Variants in GCSAML observed in about 807,000 individuals in gnomAD.
GCSAML encodes the protein germinal center-associated signaling and motility-like protein.
GCSAML carries 9 observed loss-of-function variants against 13.0 expected under a neutral mutation model. That is an observed-to-expected ratio of 0.69 (90% CI 0.42 to 1.21). The LOEUF (loss-of-function observed/expected upper bound fraction) is 1.21, where lower values mean the gene tolerates loss of function less well. Ranked by LOEUF, GCSAML falls within the 50% of genes most tolerant of loss-of-function variation. GCSAML has a pLI of 0.00. For synonymous variants in GCSAML, 37 were observed against 52.9 expected (o/e 0.70, Z 1.31); for missense variants, 143 against 153.4 (o/e 0.93, Z 0.36).
In GCSAML at chr1:247,556,421, A is replaced by C. The variant is rs1667949685; in HGVS notation, c.44A>C (p.Asn15Thr). The change falls in exon 2 of 5, where the codon AAT (asparagine) becomes ACT (threonine). Residue 15 changes from asparagine (N) to threonine (T), a missense_variant. Transcript: ENST00000366488. ...LLRKLSCLGE[N>T]QKKPKKGNPD... ...TTTCCATATAGTTGCCTGGGAGAGAATCAAAAGAAGCCCAAGAAAGGAAAC... is the reference window on the plus strand; with the variant it reads ...TTTCCATATAGTTGCCTGGGAGAGACTCAAAAGAAGCCCAAGAAAGGAAAC... The C allele has an allele frequency of 2.5e-6, 4 of 1,611,236 alleles. No homozygotes were observed. The South Asian group carries it at 3.3e-5, about 13-fold the overall frequency.
chr1:247,531,673 G>A (rs960619577), intron 2 of GCSAML: 2 of 1,614,218 alleles, frequency 1.2e-6, no homozygotes, highest in Non-Finnish European at 1.7e-6. Flanking sequence ...AGTGACTACG[G>A]TGTAGAACAG....
At chr1:247,553,264 G>T (rs1208616959) in intron 1 of GCSAML, among the ~76,000 whole-genome samples, 1 of 151,920 alleles carries the variant, frequency 6.6e-6, no homozygotes, top group Non-Finnish European at 1.5e-5. Flanking sequence ...ATTGAATTTT[G>T]CAAGATGACT....
chr1:247,509,943 G>A (rs1665971989), intron 1 of GCSAML, among the ~76,000 whole-genome samples: 1 of 152,132 alleles, frequency 6.6e-6, no homozygotes, highest in African/African-American at 2.4e-5. Context: ...TGTTCATCAG[G>A]GATATTGGCC....
chr1:247,538,034 G>T (rs1667281972), intron 2 of GCSAML, among the ~76,000 whole-genome samples: 1 of 151,654 alleles, frequency 6.6e-6, no homozygotes, highest in Admixed American at 6.6e-5. Flanking sequence ...GTTGTTTTTG[G>T]TTTTCATGTC....
intron 1 of GCSAML, among the ~76,000 whole-genome samples, chr1:247,521,113 A>T (rs867320584): frequency 0.01 from 1,411 of 136,876 alleles, 17 homozygotes; most frequent in African/African-American, 0.036. Flanking sequence ...ACATTCTTGC[A>T]TTTTTTTTTT....
chr1:247,538,242 T>C (rs1211431503), intron 2 of GCSAML, among the ~76,000 whole-genome samples: 1 of 152,218 alleles, frequency 6.6e-6, no homozygotes. Context: ...ATATATGTGT[T>C]GAAAGGATTA....
chr1:247,569,639 T>C (rs1173505156), intron 4 of GCSAML, among the ~76,000 whole-genome samples: 2 of 152,244 alleles, frequency 1.3e-5, no homozygotes, highest in Admixed American at 1.3e-4. Flanking sequence ...CGCATTGATG[T>C]TCATCAGGGA....
At chr1:247,522,196 C>CCGGG (rs1666462234) in intron 1 of GCSAML, among the ~76,000 whole-genome samples, 2 of 149,974 alleles carry the variant, frequency 1.3e-5, no homozygotes, top group African/African-American at 2.5e-5. Context: ...GCCGCCCTGT[C>CCGGG]TGGGAGGTGG....
chr1:247,565,748 C>T, intron 3 of GCSAML, 183 bp from the exon 4 acceptor site: 2 of 553,702 alleles, frequency 3.6e-6, no homozygotes, highest in Admixed American at 4.0e-5. Flanking sequence ...GATTTTTTCA[C>T]TCAGTCTTGA....
intron 2 of GCSAML, among the ~76,000 whole-genome samples, chr1:247,534,554 G>A (rs564377112): frequency 6.6e-6 from 1 of 152,312 alleles, no homozygotes; most frequent in East Asian, 1.9e-4. Flanking sequence ...TCAGAAACTG[G>A]ACAATTTCAG....
At chr1:247,537,958 C>T (rs116217360) in intron 2 of GCSAML, among the ~76,000 whole-genome samples, 2 of 152,226 alleles carry the variant, frequency 1.3e-5, no homozygotes, top group African/African-American at 4.8e-5. Flanking sequence ...ACTCTTTTGA[C>T]AATGTCTTTT....
chr1:247,560,143 A>T (rs1668074474), intron 2 of GCSAML, among the ~76,000 whole-genome samples: 1 of 152,182 alleles, frequency 6.6e-6, no homozygotes, highest in Non-Finnish European at 1.5e-5. Flanking sequence ...GTAGGTGCTG[A>T]TAATCCACAG....
rs542118148 is a variant in GCSAML, at chr1:247,567,227, G to A, written c.168+1268G>A. Among the ~76,000 whole-genome samples, 12 of 151,984 alleles carry A rather than the reference G, an allele frequency of 7.9e-5. 1 individual carries two copies. In the East Asian group the frequency reaches 2.3e-3, roughly 29 times the overall value. Reference sequence around the variant, plus strand: ...CTGAATGGGCAGGTCTGTTACATAGGAATACATGTGCCACGGTGCTTTGCT... The same window carrying A: ...CTGAATGGGCAGGTCTGTTACATAGAAATACATGTGCCACGGTGCTTTGCT... On this transcript the variant is annotated intron_variant, in intron 4 of 4. Transcript: ENST00000366488.
chr1:247,572,706 C>G (rs1472594751), intron 4 of GCSAML, among the ~76,000 whole-genome samples: 1 of 152,230 alleles, frequency 6.6e-6, no homozygotes, highest in East Asian at 1.9e-4. Flanking sequence ...AGGAGGCCAT[C>G]TTTCCCTTAG....
chr1:247,565,422 CA>C (rs1206991392), intron 3 of GCSAML, among the ~76,000 whole-genome samples: 1 of 151,862 alleles, frequency 6.6e-6, no homozygotes, highest in Non-Finnish European at 1.5e-5. Context: ...TCAGCATTCA[CA>C]GATGGAATCA....
At chr1:247,551,159 G>A (rs547988938) in intron 1 of GCSAML, among the ~76,000 whole-genome samples, 5 of 152,260 alleles carry the variant, frequency 3.3e-5, no homozygotes, top group South Asian at 2.1e-4. Context: ...CACAAACAGC[G>A]CACTGTAGAA....
At chr1:247,532,326 G>A (rs1227115571) in intron 2 of GCSAML, 1 of 1,614,174 alleles carries the variant, frequency 6.2e-7, no homozygotes, top group Admixed American at 1.7e-5. Flanking sequence ...TGGCAAGAAA[G>A]AAGTACATAG....
chr1:247,512,920 G>A lies in GCSAML; in HGVS notation c.-263+5687G>A, dbSNP rs1489688958. ...GAGAAGCACCCACCAGATGCAGCTG[G>A]GGCTCTCCTGTATGAGGTGTCTGTC... On this transcript the variant is annotated intron_variant, in intron 1 of 5. Transcript: ENST00000366489. Among the ~76,000 whole-genome samples, 5 of 152,212 alleles carry A rather than the reference G, an allele frequency of 3.3e-5. No homozygotes were observed. In the South Asian group the frequency reaches 1.0e-3, roughly 32 times the overall value.
Position 247,576,774 on chromosome 1 carries a change from T to G in GCSAML, c.*2392T>G, listed in dbSNP as rs1668853961. On this transcript the variant is annotated 3_prime_UTR_variant, in exon 5 of 5. Transcript: ENST00000366488. ...TAGAAATTTTGCAATTCTAGAAAAGTCATTCTGTCAAAATATGTCAGTCCT... is the reference window on the plus strand; with the variant it reads ...TAGAAATTTTGCAATTCTAGAAAAGGCATTCTGTCAAAATATGTCAGTCCT... 6.6e-6 allele frequency: 1 copy of G among 152,176 alleles called. No individual in the cohort carries two copies. The allele number at this position is 152,176 out of a possible 1,614,324, so 9.4% of individuals were successfully genotyped here. A position where few individuals can be genotyped will look rare whatever the true frequency, so the allele number is the denominator to read the frequency against.
Sources: gnomAD v4.1 joint callset for allele counts (sites outside exome capture counted in the v4.1 genomes callset) on GRCh38, gnomAD v4.1.1 for gene constraint, MANE v1.5 for transcripts, NCBI Gene and HGNC (gene_info 2026-07-23, HGNC 2026-07-21) for gene names.